AKAP19: variants seen among roughly 807,000 people sequenced by gnomAD.
The protein encoded by AKAP19 is small A-kinase anchoring protein.
At chr2:190,119,437 A>T in the AKAP19 span, among the ~76,000 whole-genome samples, 1 of 152,156 alleles carries the variant, frequency 6.6e-6, no homozygotes, top group Non-Finnish European at 1.5e-5. Context: ...TGGCCCTCCC[A>T]CCTTAGTCTT....
the AKAP19 span, among the ~76,000 whole-genome samples, chr2:190,196,677 TAA>T: frequency 1.3e-5 from 2 of 152,190 alleles, no homozygotes; most frequent in Non-Finnish European, 2.9e-5. Flanking sequence ...TATTTCTTGT[TAA>T]AGAGGATTAT....
At chr2:189,888,035 C>T in the AKAP19 span, among the ~76,000 whole-genome samples, 3 of 152,114 alleles carry the variant, frequency 2.0e-5, no homozygotes, top group Non-Finnish European at 2.9e-5. Flanking sequence ...TTTGCCCCTG[C>T]CTGTGTCCTT....
the AKAP19 span, among the ~76,000 whole-genome samples, chr2:189,923,058 G>A: frequency 6.6e-6 from 1 of 152,186 alleles, no homozygotes; most frequent in African/African-American, 2.4e-5. Flanking sequence ...GGCTGAGGCA[G>A]GAGAATTGCT....
chr2:190,187,888 A>G, the AKAP19 span, among the ~76,000 whole-genome samples: 1 of 152,042 alleles, frequency 6.6e-6, no homozygotes, highest in African/African-American at 2.4e-5. Context: ...AGTAAATCAC[A>G]TTTTTTCTTT....
chr2:190,018,546 A>C, the AKAP19 span, among the ~76,000 whole-genome samples: 2 of 151,580 alleles, frequency 1.3e-5, no homozygotes, highest in African/African-American at 4.8e-5. Context: ...CATGTTTTCT[A>C]TTTGTTTAAC....
chr2:190,131,419 A>T, the AKAP19 span, among the ~76,000 whole-genome samples: 981 of 152,342 alleles, frequency 6.4e-3, 18 homozygotes, highest in African/African-American at 0.022. Context: ...GGACAGCAGA[A>T]TGGATAGTGG....
chr2:190,004,675 G>C, the AKAP19 span, among the ~76,000 whole-genome samples: 1 of 151,254 alleles, frequency 6.6e-6, no homozygotes, highest in Admixed American at 6.6e-5. Context: ...ATCATTTTGA[G>C]TTTCACGGAA....
the AKAP19 span, among the ~76,000 whole-genome samples, chr2:189,960,948 C>G: frequency 6.6e-6 from 1 of 152,336 alleles, no homozygotes; most frequent in African/African-American, 2.4e-5. Context: ...ATTCTACTTT[C>G]CATTCCAAAT....
At chr2:190,023,908 T>A in the AKAP19 span, among the ~76,000 whole-genome samples, 1 of 151,568 alleles carries the variant, frequency 6.6e-6, no homozygotes, top group African/African-American at 2.4e-5. Context: ...TGAATTGCAA[T>A]GACGTCTTTT....
chr2:190,052,011 TG>T, the AKAP19 span, among the ~76,000 whole-genome samples: 10 of 152,136 alleles, frequency 6.6e-5, no homozygotes, highest in African/African-American at 2.4e-4. Context: ...CTAATTTTTT[TG>T]TATTTTTTAG....
the AKAP19 span, among the ~76,000 whole-genome samples, chr2:190,138,095 A>G: frequency 2.0e-5 from 3 of 152,204 alleles, no homozygotes; most frequent in African/African-American, 7.2e-5. Flanking sequence ...GTTTCTACCT[A>G]CTACTGAGAA....
chr2:189,894,235 C>A, the AKAP19 span, among the ~76,000 whole-genome samples: 1 of 152,074 alleles, frequency 6.6e-6, no homozygotes, highest in Non-Finnish European at 1.5e-5. Context: ...TATACAGAAT[C>A]TTTGAAAGAT....
the AKAP19 span, among the ~76,000 whole-genome samples, chr2:190,101,536 C>G: frequency 6.6e-6 from 1 of 152,136 alleles, no homozygotes; most frequent in Admixed American, 6.5e-5. Context: ...GGGCTCTTTC[C>G]CCTCTATGCT....
chr2:189,911,658 C>G, the AKAP19 span, among the ~76,000 whole-genome samples: 1 of 151,936 alleles, frequency 6.6e-6, no homozygotes, highest in Non-Finnish European at 1.5e-5. Flanking sequence ...GAAAGGAAAG[C>G]TTTTGGTTAT....
At chr2:189,991,346 A>G in the AKAP19 span, among the ~76,000 whole-genome samples, 1 of 152,132 alleles carries the variant, frequency 6.6e-6, no homozygotes, top group Admixed American at 6.6e-5. Context: ...TACCATATCC[A>G]CTGCAACATC....
the AKAP19 span, among the ~76,000 whole-genome samples, chr2:190,065,446 A>G: frequency 1.3e-5 from 2 of 152,192 alleles, no homozygotes; most frequent in East Asian, 3.8e-4. Context: ...AAGATGCTAA[A>G]TGTTGTGTAT....
chr2:190,030,763 G>T, the AKAP19 span, among the ~76,000 whole-genome samples: 1 of 152,172 alleles, frequency 6.6e-6, no homozygotes, highest in Non-Finnish European at 1.5e-5. Flanking sequence ...CCTTGAAAGT[G>T]TCATGTTTGT....
At chr2:190,097,876 A>AG in the AKAP19 span, among the ~76,000 whole-genome samples, 13 of 150,844 alleles carry the variant, frequency 8.6e-5, no homozygotes, top group African/African-American at 2.4e-4. Context: ...AAAAAAAAAA[A>AG]AAAAAGAAAA....
chr2:190,012,791 C>A, the AKAP19 span, among the ~76,000 whole-genome samples: 1 of 152,014 alleles, frequency 6.6e-6, no homozygotes, highest in South Asian at 2.1e-4. Context: ...ATTTCTAAAC[C>A]TAATGTGTTG....
Sources: gnomAD v4.1 joint callset for allele counts (sites outside exome capture counted in the v4.1 genomes callset) on GRCh38, gnomAD v4.1.1 for gene constraint, MANE v1.5 for transcripts, NCBI Gene and HGNC (gene_info 2026-07-23, HGNC 2026-07-21) for gene names.